Variants in PPFIA2 observed in about 807,000 individuals in gnomAD.
PPFIA2 encodes liprin-alpha-2.
In PPFIA2, 46 loss-of-function variants were observed where a neutral mutation model predicts 175.5. That is an observed-to-expected ratio of 0.26 (90% confidence interval 0.21 to 0.34). The LOEUF (loss-of-function observed/expected upper bound fraction) is 0.34, where lower values mean the gene tolerates loss of function less well. Ranked by LOEUF, PPFIA2 falls within the 10% of genes least tolerant of loss-of-function variation. The pLI is 1.00. For synonymous variants in PPFIA2, 568 were observed against 511.4 expected (o/e 1.11, Z -1.49); for missense variants, 1,179 against 1,506.1 (o/e 0.78, Z 3.60).
intron 4 of PPFIA2, among the ~76,000 whole-genome samples, chr12:81,513,725 G>T (rs148634869): frequency 3.5e-4 from 53 of 152,036 alleles, no homozygotes; most frequent in African/African-American, 1.2e-3. Flanking sequence ...TATGCCACTT[G>T]AAATTGGTCA....
At chr12:81,618,826 C>T (rs2061705933) in intron 4 of PPFIA2, among the ~76,000 whole-genome samples, 1 of 150,870 alleles carries the variant, frequency 6.6e-6, no homozygotes, top group African/African-American at 2.4e-5. Flanking sequence ...GCCACCGCGC[C>T]CGGCCCATGG....
At chr12:81,311,749 AAAAG>A (rs1256034829) in intron 22 of PPFIA2, among the ~76,000 whole-genome samples, 8,211 of 142,802 alleles carry the variant, frequency 0.057, 302 homozygotes, top group South Asian at 0.081. Context: ...AAAAAAAAAA[AAAAG>A]AAAGAAAGAA....
rs1018579408 is a variant in PPFIA2, at chr12:81,409,263, C to T, written c.646-3360G>A. On this transcript the variant is annotated intron_variant, in intron 7 of 32. Coordinates refer to ENST00000549396, the MANE Select transcript of PPFIA2 (RefSeq NM_003625.5). ...AGCAAATTGCCTACAAGAAAACTAACGTAGGTCTGGATGCCTCACCACTAA... is the reference window on the plus strand; with the variant it reads ...AGCAAATTGCCTACAAGAAAACTAATGTAGGTCTGGATGCCTCACCACTAA... Among the ~76,000 whole-genome samples the T allele has an allele frequency of 3.9e-5, 6 of 152,050 alleles. No individual in the cohort carries two copies. In the South Asian group the frequency reaches 6.2e-4, roughly 16 times the overall value.
intron 4 of PPFIA2, among the ~76,000 whole-genome samples, chr12:81,550,523 A>G (rs2067747320): frequency 6.6e-6 from 1 of 151,980 alleles, no homozygotes; most frequent in Admixed American, 6.6e-5. Context: ...CAGGCTGTGG[A>G]AGTAAACAGT....
chr12:81,736,032 A>G (rs1021963904), intron 3 of PPFIA2, among the ~76,000 whole-genome samples: 1 of 151,886 alleles, frequency 6.6e-6, no homozygotes, highest in African/African-American at 2.4e-5. Flanking sequence ...GTTTTTCAAG[A>G]TTGTTTTAAT....
At chr12:81,458,344 T>C (rs922698097) in intron 4 of PPFIA2, among the ~76,000 whole-genome samples, 11 of 26,906 alleles carry the variant, frequency 4.1e-4, no homozygotes, top group Non-Finnish European at 1.7e-4. Context: ...ATCTACCTTT[T>C]TTTTTTTTTA....
At chr12:81,433,025 T>TAAA (rs56038834) in intron 7 of PPFIA2, among the ~76,000 whole-genome samples, 2 of 147,736 alleles carry the variant, frequency 1.4e-5, no homozygotes, top group African/African-American at 5.0e-5. Flanking sequence ...TAACAAAAAT[T>TAAA]AAAAAAAAAA....
At chr12:81,429,543 G>GT (rs1319138156) in intron 7 of PPFIA2, among the ~76,000 whole-genome samples, 1 of 151,916 alleles carries the variant, frequency 6.6e-6, no homozygotes, top group Non-Finnish European at 1.5e-5. Flanking sequence ...CTTTCTCCAT[G>GT]TTTTTCTGCA....
chr12:81,583,696 C>G (rs2074754931), intron 4 of PPFIA2, among the ~76,000 whole-genome samples: 1 of 151,862 alleles, frequency 6.6e-6, no homozygotes, highest in Non-Finnish European at 1.5e-5. Flanking sequence ...ATGAGTGTGT[C>G]TATGTGTGCA....
intron 4 of PPFIA2, among the ~76,000 whole-genome samples, chr12:81,573,341 G>A (rs375551455): frequency 7.3e-5 from 11 of 151,724 alleles, no homozygotes; most frequent in African/African-American, 2.2e-4. Flanking sequence ...TCTCTGCAGC[G>A]GTGAGAAAAT....
Position 81,302,067 on chromosome 12 carries a change from T to C in PPFIA2, c.2643-2685A>G, listed in dbSNP as rs150009282. 416 of 298,732 alleles carry C rather than the reference T, an allele frequency of 1.4e-3. 7 individuals carry two copies. Among genetic ancestry groups the C allele is most frequent in the African/African-American group, 8.9e-3 (395 of 44,630 alleles). The allele number at this position is 298,732 out of a possible 1,614,324, so 18.5% of individuals were successfully genotyped here. A position where few individuals can be genotyped will look rare whatever the true frequency, so the allele number is the denominator to read the frequency against. ...AGGCACAGAAGAGGTGCTAAATAAA[T>C]ACGTGTAAATGTTAAACAAAATGCC... On this transcript the variant is annotated intron_variant, in intron 22 of 32. Coordinates refer to ENST00000549396, the MANE Select transcript of PPFIA2 (RefSeq NM_003625.5).
chr12:81,349,414 A>T (rs1172491169), intron 17 of PPFIA2, among the ~76,000 whole-genome samples: 2 of 152,168 alleles, frequency 1.3e-5, no homozygotes, highest in African/African-American at 4.8e-5. Flanking sequence ...AAAGAACATG[A>T]ATTCTGTTAC....
At chr12:81,354,424 C>A (rs1430589425) in intron 16 of PPFIA2, among the ~76,000 whole-genome samples, 3 of 152,166 alleles carry the variant, frequency 2.0e-5, no homozygotes, top group Non-Finnish European at 4.4e-5. Flanking sequence ...TAGATTCCAT[C>A]TCAAGAAACC....
intron 4 of PPFIA2, among the ~76,000 whole-genome samples, chr12:81,639,313 T>C (rs2064603340): frequency 6.6e-6 from 1 of 151,912 alleles, no homozygotes; most frequent in East Asian, 1.9e-4. Flanking sequence ...AATTTCCAAA[T>C]ACCATCTGCA....
chr12:81,524,404 C>T (rs1052751100), intron 4 of PPFIA2, among the ~76,000 whole-genome samples: 7 of 152,198 alleles, frequency 4.6e-5, no homozygotes, highest in Non-Finnish European at 8.8e-5. Context: ...GCCTCAAGGG[C>T]AGACAACTGA....
intron 14 of PPFIA2, among the ~76,000 whole-genome samples, chr12:81,365,363 G>T (rs73354667): frequency 0.03 from 4,540 of 151,818 alleles, 209 homozygotes; most frequent in African/African-American, 0.1. Flanking sequence ...TATGATCTGG[G>T]ATTTACTCTC....
chr12:81,675,191 T>G (rs2072248360), intron 4 of PPFIA2, among the ~76,000 whole-genome samples: 1 of 133,210 alleles, frequency 7.5e-6, no homozygotes, highest in Non-Finnish European at 1.7e-5. Context: ...TGATATACTA[T>G]ACACACATAC....
intron 3 of PPFIA2, among the ~76,000 whole-genome samples, chr12:81,683,536 C>T (rs1038555047): frequency 6.6e-6 from 1 of 152,012 alleles, no homozygotes; most frequent in Admixed American, 6.6e-5. Context: ...TATTGCTATG[C>T]TCTGCCATGC....
At chr12:81,369,087 G>A (rs2034387640) in intron 12 of PPFIA2, 24 bp downstream of exon 12, 5 of 1,531,346 alleles carry the variant, frequency 3.3e-6, no homozygotes, top group Admixed American at 3.5e-5. Context: ...ATGATTGGGG[G>A]GTAATAGTTC....
Sources: gnomAD v4.1 joint callset for allele counts (sites outside exome capture counted in the v4.1 genomes callset) on GRCh38, gnomAD v4.1.1 for gene constraint, MANE v1.5 for transcripts, NCBI Gene and HGNC (gene_info 2026-07-23, HGNC 2026-07-21) for gene names.